Variants in SLC13A3 observed in about 807,000 individuals in gnomAD.
The protein encoded by SLC13A3 is Na(+)/dicarboxylate cotransporter 3.
SLC13A3 carries 40 observed loss-of-function variants against 59.0 expected under a neutral mutation model. The ratio of observed to expected loss-of-function variants is 0.68; its 90% CI spans 0.53 to 0.88. SLC13A3 has a LOEUF of 0.88. Among genes scored for constraint, SLC13A3 ranks in the 40% least tolerant of loss-of-function variants. SLC13A3 has a pLI of 0.00. For synonymous variants in SLC13A3, 317 were observed against 330.3 expected, an observed-to-expected ratio of 0.96 and a Z score of 0.44; for missense variants, 699 against 783.2, an observed-to-expected ratio of 0.89 and a Z score of 1.28.
intron 1 of SLC13A3, among the ~76,000 whole-genome samples, chr20:46,631,172 T>A (rs895512332): frequency 6.6e-6 from 1 of 152,138 alleles, no homozygotes; most frequent in Non-Finnish European, 1.5e-5. Context: ...CACGTTTTAG[T>A]CTCACGACTG....
intron 1 of SLC13A3, among the ~76,000 whole-genome samples, chr20:46,676,709 C>T (rs1172043416): frequency 1.3e-5 from 2 of 151,876 alleles, no homozygotes; most frequent in Non-Finnish European, 2.9e-5. Flanking sequence ...GCCTCAGCCT[C>T]CCCAGTCGCT....
intron 1 of SLC13A3, among the ~76,000 whole-genome samples, chr20:46,675,457 G>A (rs1399045774): frequency 1.3e-5 from 2 of 148,150 alleles, no homozygotes; most frequent in Non-Finnish European, 3.0e-5. Flanking sequence ...TGTTGCTCAG[G>A]CTGGTCTCGA....
intron 1 of SLC13A3, among the ~76,000 whole-genome samples, chr20:46,679,220 C>A (rs990315944): frequency 6.6e-6 from 1 of 152,212 alleles, no homozygotes; most frequent in Non-Finnish European, 1.5e-5. Context: ...AAGCTATCTT[C>A]GCCTAAAAAT....
At chr20:46,585,100 G>A in intron 8 of SLC13A3, 1 of 962,118 alleles carries the variant, frequency 1.0e-6, no homozygotes, top group Non-Finnish European at 1.2e-6. Context: ...ACTATGCAGT[G>A]TTTTAAAAGA....
At chr20:46,636,713 C>G (rs2062798844) in intron 1 of SLC13A3, among the ~76,000 whole-genome samples, 1 of 152,188 alleles carries the variant, frequency 6.6e-6, no homozygotes, top group Admixed American at 6.5e-5. Context: ...CTTGGCCAAT[C>G]TTGGCTCTGT....
At chr20:46,574,388 G>A (rs779814776) in intron 10 of SLC13A3, among the ~76,000 whole-genome samples, 24 of 152,148 alleles carry the variant, frequency 1.6e-4, no homozygotes, top group Non-Finnish European at 2.6e-4. Flanking sequence ...GGGCTGGTGT[G>A]GCGATTCAGT....
At chr20:46,568,946 G>A (rs2062006198) in intron 10 of SLC13A3, among the ~76,000 whole-genome samples, 1 of 152,134 alleles carries the variant, frequency 6.6e-6, no homozygotes, top group African/African-American at 2.4e-5. Context: ...GGGTTCTACT[G>A]GGGACTCTAA....
upstream of SLC13A3, among the ~76,000 whole-genome samples, chr20:46,672,254 C>T (rs940424339): frequency 2.6e-5 from 4 of 152,240 alleles, no homozygotes; most frequent in Non-Finnish European, 5.9e-5. Flanking sequence ...CAAATCCCAA[C>T]ATTTGGTAAC....
intron 1 of SLC13A3, among the ~76,000 whole-genome samples, chr20:46,683,887 G>T (rs1246186209): frequency 6.6e-6 from 1 of 152,112 alleles, no homozygotes; most frequent in Non-Finnish European, 1.5e-5. Flanking sequence ...GCTGGTTTCG[G>T]TCGCCTTTTC....
intron 11 of SLC13A3, among the ~76,000 whole-genome samples, chr20:46,565,085 G>T (rs2061968245): frequency 1.3e-5 from 2 of 152,106 alleles, no homozygotes; most frequent in South Asian, 2.1e-4. Context: ...TACATGGTCT[G>T]GTCTTTAATC....
At chr20:46,594,400 GACA>G (rs2062289105) in intron 5 of SLC13A3, among the ~76,000 whole-genome samples, 1 of 152,076 alleles carries the variant, frequency 6.6e-6, no homozygotes, top group Non-Finnish European at 1.5e-5. Context: ...TAAACGCTTT[GACA>G]ACAACTGCTC....
chr20:46,680,860 C>T (rs2063150780), intron 1 of SLC13A3, among the ~76,000 whole-genome samples: 1 of 152,182 alleles, frequency 6.6e-6, no homozygotes, highest in African/African-American at 2.4e-5. Flanking sequence ...CCTGGGGATC[C>T]TGACCAGTGA....
At chr20:46,683,286 A>G (rs1318045470) in intron 1 of SLC13A3, among the ~76,000 whole-genome samples, 1 of 152,224 alleles carries the variant, frequency 6.6e-6, no homozygotes, top group African/African-American at 2.4e-5. Context: ...AGCTGCAAAC[A>G]TAGATAAGGA....
intron 1 of SLC13A3, 90 bp from the exon 2 acceptor site, chr20:46,613,815 G>C: frequency 8.5e-7 from 1 of 1,178,008 alleles, no homozygotes; most frequent in Non-Finnish European, 1.2e-6. Flanking sequence ...GGGGAAGGAG[G>C]CCTGGGCTGG....
intron 1 of SLC13A3, among the ~76,000 whole-genome samples, chr20:46,648,733 C>T (rs1026317982): frequency 1.3e-5 from 2 of 151,970 alleles, no homozygotes; most frequent in South Asian, 4.2e-4. Flanking sequence ...AGTGAAACCC[C>T]GTCTCTACTA....
Position 46,583,787 on chromosome 20 carries a change from T to C in SLC13A3, c.1122-118A>G, listed in dbSNP as rs1192161289. On this transcript the variant is annotated intron_variant, in intron 8 of 12. Transcript: ENST00000279027. ...TAGGCCTGCTGTGAAGGGGCCATTG[T>C]TGGAGGCTGGGCCACTGGATTCTGT... The C allele has an allele frequency of 2.0e-6, 3 of 1,499,094 alleles. No homozygotes were observed. The East Asian group carries it at 7.4e-5, about 37-fold the overall frequency. 92.9% of individuals were successfully genotyped at this position (1,499,094 alleles called of 1,614,324 possible).
At chr20:46,567,163 G>A (rs1600495111) in intron 10 of SLC13A3, among the ~76,000 whole-genome samples, 1 of 152,062 alleles carries the variant, frequency 6.6e-6, no homozygotes, top group African/African-American at 2.4e-5. Flanking sequence ...CTGCACTCCA[G>A]CCTGGGCGAC....
In SLC13A3 at chr20:46,560,121, G is replaced by A; in HGVS notation, c.1710C>T (p.Ile570=). 6.2e-7 allele frequency: 1 copy of A among 1,614,170 alleles called. No individual in the cohort carries two copies. The highest frequency in any genetic ancestry group is 8.5e-7 in the Non-Finnish European group (1 of 1,180,016). ...SLAMNTWAQT[I]FQLGTFPDWA... The stretch of plus-strand genomic sequence containing the variant: ...AGTCCGGGAAGGTGCCCAGCTGGAA[G>A]ATGGTCTGTGCCCAGGTATTCATAG... Residue 570 remains isoleucine (I), a synonymous_variant, in exon 13 of 13, where the codon ATC becomes ATT. Transcript: ENST00000279027.
In SLC13A3 at chr20:46,596,225, GGCTGA is replaced by G; in HGVS notation, c.721_725del (p.Ser241GlnfsTer14). 1 of 1,614,132 alleles carries G rather than the reference GGCTGA, an allele frequency of 6.2e-7. No individual in the cohort carries two copies. Among genetic ancestry groups the G allele is most frequent in the South Asian group, 1.1e-5 (1 of 91,076 alleles). On this transcript the variant is annotated frameshift_variant, in exon 5 of 13. Transcript: ENST00000279027. LOFTEE classifies it high-confidence loss of function. Reference sequence around the variant, plus strand: ...TGAGTGTGGCTGTGCCCCCAATACTGGCTGAGTAGGGGATGGAGATGAGGAAGCCC... The same window carrying G: ...TGAGTGTGGCTGTGCCCCCAATACTGGTAGGGGATGGAGATGAGGAAGCCC...
Sources: allele counts gnomAD v4.1 joint callset (sites outside exome capture counted in the v4.1 genomes callset), GRCh38; gene constraint gnomAD v4.1.1; transcripts MANE v1.5; gene names NCBI Gene and HGNC (gene_info 2026-07-23, HGNC 2026-07-21).